The following HDAC9 variants were observed in gnomAD, a reference collection of about 807,000 sequenced individuals.
HDAC9 encodes histone deacetylase 9, also known as MEF-2 interacting transcription repressor (MITR) protein.
HDAC9 carries 41 observed loss-of-function variants against 139.4 expected under a neutral mutation model. That is an observed-to-expected ratio of 0.29 (90% CI 0.23 to 0.38). The LOEUF (loss-of-function observed/expected upper bound fraction) is 0.38, where lower values mean the gene tolerates loss of function less well. Among genes scored for constraint, HDAC9 ranks in the 10% least tolerant of loss-of-function variants. The pLI is 1.00. For missense variants in HDAC9, 1,147 were observed against 1,297.0 expected (o/e 0.88, Z 1.78); for synonymous variants, 517 against 476.2 (o/e 1.09, Z -1.12).
chr7:18,816,893 C>G (rs1794599878), intron 17 of HDAC9, among the ~76,000 whole-genome samples: 1 of 152,026 alleles, frequency 6.6e-6, no homozygotes, highest in South Asian at 2.1e-4. Context: ...GAAGCAGTCA[C>G]ATATAAATGA....
intron 1 of HDAC9, among the ~76,000 whole-genome samples, chr7:18,345,905 C>G (rs891428845): frequency 2.0e-5 from 3 of 151,990 alleles, no homozygotes. Context: ...CTGTTTCTGT[C>G]TGTTTCTCTT....
intron 17 of HDAC9, among the ~76,000 whole-genome samples, chr7:18,822,860 A>C (rs1323782000): frequency 6.6e-6 from 1 of 152,220 alleles, no homozygotes; most frequent in Non-Finnish European, 1.5e-5. Flanking sequence ...TCTGCCTAAC[A>C]CAAGTTGTTA....
intron 1 of HDAC9, among the ~76,000 whole-genome samples, chr7:18,318,430 C>T (rs921203650): frequency 2.0e-5 from 3 of 152,142 alleles, no homozygotes; most frequent in Non-Finnish European, 1.5e-5. Context: ...TTTGTTTCAA[C>T]GATAACTACA....
At position 18,169,340 on chromosome 7, in the gene HDAC9, C is replaced by T. The variant is rs570858668; in HGVS notation, c.25+6991C>T. On this transcript the variant is annotated intron_variant, in intron 2 of 12. Transcript: ENST00000417496. ...ATCCACTGCACCCCTCTTATTTTCT[C>T]GGTTCTTCTGTCTTTAGTCTATAGA... Among the ~76,000 whole-genome samples, 137 of 152,152 alleles carry T rather than the reference C, an allele frequency of 9.0e-4. 1 individual carries two copies. Among genetic ancestry groups the T allele is most frequent in the South Asian group, 1.5e-3 (7 of 4,812 alleles).
chr7:18,693,372 G>A (rs1467712510), intron 12 of HDAC9, among the ~76,000 whole-genome samples: 4 of 152,142 alleles, frequency 2.6e-5, no homozygotes, highest in Admixed American at 6.6e-5. Flanking sequence ...CCTTGAATGG[G>A]AGAATAGATT....
intron 1 of HDAC9, among the ~76,000 whole-genome samples, chr7:18,420,206 C>T (rs1789490475): frequency 6.6e-6 from 1 of 152,106 alleles, no homozygotes; most frequent in Non-Finnish European, 1.5e-5. Flanking sequence ...ATCTGATTAC[C>T]CCAGATGATT....
intron 1 of HDAC9, among the ~76,000 whole-genome samples, chr7:18,142,700 C>T (rs766006400): frequency 6.6e-6 from 1 of 152,228 alleles, no homozygotes; most frequent in Non-Finnish European, 1.5e-5. Context: ...TGCCCTTGGG[C>T]CCAGGCCTTT....
At chr7:18,721,440 T>C (rs1785137689) in intron 12 of HDAC9, among the ~76,000 whole-genome samples, 1 of 152,198 alleles carries the variant, frequency 6.6e-6, no homozygotes. Context: ...TTTGCGATAG[T>C]TTATAGTAAA....
At chr7:18,664,450 C>T (rs1372451853) in intron 11 of HDAC9, among the ~76,000 whole-genome samples, 1 of 152,082 alleles carries the variant, frequency 6.6e-6, no homozygotes, top group Non-Finnish European at 1.5e-5. Context: ...GATTCTTACT[C>T]TTCACCCAAA....
In HDAC9 at chr7:18,793,432, G is replaced by T; in HGVS notation, c.2302G>T (p.Val768Leu). ...VGCVIELASK[V>L]ASGELKNGFA... is the part of the protein sequence containing the mutation. ...CTGTGTCATCGAGCTGGCTTCCAAAGTGGCCTCAGGAGAGCTGAAGGTGAG... is the reference window on the plus strand; with the variant it reads ...CTGTGTCATCGAGCTGGCTTCCAAATTGGCCTCAGGAGAGCTGAAGGTGAG... Residue 768 changes from valine to leucine, a missense_variant, in exon 17 of 26, where the codon GTG becomes TTG. Coordinates refer to ENST00000686413, the MANE Select transcript of HDAC9 (RefSeq NM_178425.4). The T allele has an allele frequency of 1.3e-6, 2 of 1,579,842 alleles. No homozygotes were observed. The highest frequency in any genetic ancestry group is 1.7e-6 in the Non-Finnish European group (2 of 1,162,648).
chr7:18,961,801 G>T (rs2129329050), intron 24 of HDAC9, among the ~76,000 whole-genome samples: 1 of 152,192 alleles, frequency 6.6e-6, no homozygotes, highest in Admixed American at 6.5e-5. Context: ...ATTCCCCAAG[G>T]TTACACAGCT....
chr7:18,669,234 C>G (rs1795515647), intron 12 of HDAC9, among the ~76,000 whole-genome samples: 1 of 151,728 alleles, frequency 6.6e-6, no homozygotes, highest in South Asian at 2.1e-4. Flanking sequence ...TTAACACAAT[C>G]CCTTGAACAT....
chr7:18,890,272 G>T (rs1800562721), intron 22 of HDAC9, among the ~76,000 whole-genome samples: 1 of 152,206 alleles, frequency 6.6e-6, no homozygotes, highest in African/African-American at 2.4e-5. Flanking sequence ...ATGCATGACA[G>T]TTGAACAGTT....
At chr7:18,906,976 C>T (rs1048013048) in intron 22 of HDAC9, 1 of 152,176 alleles carries the variant, frequency 6.6e-6, no homozygotes, top group Non-Finnish European at 1.5e-5. Flanking sequence ...TGGAAGTATA[C>T]TTGGGGAAAG....
intron 21 of HDAC9, among the ~76,000 whole-genome samples, chr7:18,873,720 A>C (rs1478048691): frequency 2.0e-5 from 3 of 152,162 alleles, no homozygotes; most frequent in Non-Finnish European, 4.4e-5. Flanking sequence ...CTGGTCTTCA[A>C]GCCTATGTTA....
At chr7:18,767,189 CAT>C in intron 16 of HDAC9, 34 bp downstream of exon 16, 6 of 1,223,722 alleles carry the variant, frequency 4.9e-6, no homozygotes, top group Non-Finnish European at 6.9e-6. Flanking sequence ...CTTTAAATAA[CAT>C]AAAATTACAA....
At chr7:18,887,224 C>T (rs1800236318) in intron 22 of HDAC9, among the ~76,000 whole-genome samples, 1 of 152,082 alleles carries the variant, frequency 6.6e-6, no homozygotes, top group South Asian at 2.1e-4. Context: ...ACCTGGAGGC[C>T]CTGTTAGGCA....
At chr7:18,577,689 T>C (rs867907533) in intron 2 of HDAC9, among the ~76,000 whole-genome samples, 8 of 152,142 alleles carry the variant, frequency 5.3e-5, no homozygotes, top group South Asian at 2.1e-4. Flanking sequence ...CAAAAAATGT[T>C]TGTTGAATTA....
intron 11 of HDAC9, among the ~76,000 whole-genome samples, chr7:18,662,916 T>C (rs1228194156): frequency 3.9e-5 from 6 of 152,056 alleles, no homozygotes; most frequent in Non-Finnish European, 8.8e-5. Flanking sequence ...GCTGCTTGGG[T>C]TTGGCAGAGA....
Sources: gnomAD v4.1 joint callset for allele counts (sites outside exome capture counted in the v4.1 genomes callset) on GRCh38, gnomAD v4.1.1 for gene constraint, MANE v1.5 for transcripts, NCBI Gene and HGNC (gene_info 2026-07-23, HGNC 2026-07-21) for gene names.